Variants in ADI1 observed in about 807,000 individuals in gnomAD.
ADI1 encodes the protein acireductone dioxygenase 1.
In ADI1, 21 loss-of-function variants were observed where a neutral mutation model predicts 18.7. The ratio of observed to expected loss-of-function variants is 1.13; its 90% CI spans 0.80 to 1.62. ADI1 has a LOEUF of 1.62. ADI1 is among the 40% of genes most tolerant of loss of function. The pLI is 0.00. For missense variants in ADI1, 245 were observed against 254.9 expected (o/e 0.96, Z 0.26); for synonymous variants, 90 against 100.1 (o/e 0.90, Z 0.60).
At position 3,503,319 on chromosome 2, in the gene ADI1, TCA is replaced by T. The variant is rs556098174; in HGVS notation, c.241-2328_241-2327del. ...CACACATACACACTGACACGCACAT[TCA>T]CACACATGCACACATACACACGTAC... On this transcript the variant is annotated intron_variant, in intron 2 of 3. Transcript: ENST00000327435. 3.4e-3 allele frequency among the ~76,000 whole-genome samples: 476 copies of T among 140,728 alleles called. 171 individuals carry two copies. The highest frequency in any genetic ancestry group is 0.013 in the African/African-American group (453 of 35,050). 92.3% of individuals were successfully genotyped at this position (140,728 alleles called of 152,430 possible).
chr2:3,518,206 C>T (rs1016068084), intron 1 of ADI1, among the ~76,000 whole-genome samples: 5 of 152,198 alleles, frequency 3.3e-5, no homozygotes, highest in South Asian at 2.1e-4. Flanking sequence ...TGCCCTGTTT[C>T]GCACTGGTAT....
chr2:3,500,934 A>G lies in ADI1; in HGVS notation c.300T>C (p.Asp100=). 1 of 1,614,090 alleles carries G rather than the reference A, an allele frequency of 6.2e-7. No individual in the cohort carries two copies. The highest frequency in any genetic ancestry group is 2.2e-5 in the East Asian group (1 of 44,874). The change falls in exon 3 of 4, where the codon GAT becomes GAC. Residue 100 remains aspartate (D), a synonymous_variant. Transcript: ENST00000327435. ...CCCTCACATCGAAGTACCCACTGCC[A>G]TCCAGGATGTAGCGGATCTCATCGT... The part of the protein sequence containing the change: ...HLDDEIRYIL[D]GSGYFDVRDK...
Position 3,519,454 on chromosome 2 carries a change from C to T in ADI1, c.34G>A (p.Gly12Ser). Residue 12 changes from glycine to serine, a missense_variant, in exon 1 of 4, where the codon GGC becomes AGC. Coordinates refer to ENST00000327435, the MANE Select transcript of ADI1 (RefSeq NM_018269.4). ...GGGCGGTGGGGTTGCCGCGGGTCGCCCGGGGCGTCGTCCATATACCAGGCC... is the reference window on the plus strand; with the variant it reads ...GGGCGGTGGGGTTGCCGCGGGTCGCTCGGGGCGTCGTCCATATACCAGGCC... ...VQAWYMDDAP[G>S]DPRQPHRPDP... 3.0e-6 allele frequency: 4 copies of T among 1,355,408 alleles called. No homozygotes were observed. The highest frequency in any genetic ancestry group is 2.8e-6 in the Non-Finnish European group (3 of 1,058,544). The allele number at this position is 1,355,408 out of a possible 1,614,324, so 84.0% of individuals were successfully genotyped here.
intron 1 of ADI1, chr2:3,515,512 T>C (rs57139325): frequency 0.69 from 104,488 of 151,720 alleles, 39,037 homozygotes; most frequent in Non-Finnish European, 0.84. Context: ...AACATAGATC[T>C]TTATCAGTGG....
rs972874163 is a variant in ADI1 at position 3,503,505 on chromosome 2, G to A, written c.241-2512C>T. On this transcript the variant is annotated intron_variant, in intron 2 of 3. Coordinates refer to ENST00000327435, the MANE Select transcript of ADI1 (RefSeq NM_018269.4). ...CACTCATGCACACGTACACACACACGCCTACATTCACACACTCACATGCAC... is the reference window on the plus strand; with the variant it reads ...CACTCATGCACACGTACACACACACACCTACATTCACACACTCACATGCAC... 1.5e-5 allele frequency among the ~76,000 whole-genome samples: 2 copies of A among 136,172 alleles called. 1 individual carries two copies. Among genetic ancestry groups the A allele is most frequent in the Non-Finnish European group, 3.1e-5 (2 of 64,932 alleles). The allele number at this position is 136,172 out of a possible 152,430, so 89.3% of individuals were successfully genotyped here.
Position 3,498,987 on chromosome 2 carries a change from C to A in ADI1, c.516G>T (p.Val172=). Residue 172 remains valine, a synonymous_variant, in exon 4 of 4, where the codon GTG becomes GTT. Coordinates refer to ENST00000327435, the MANE Select transcript of ADI1 (RefSeq NM_018269.4). ...GCTAGGCGGTCTGTGCCAGAAATTT[C>A]ACGTACTGCCCGCGGGCTTCAAAAT... ...ADHFEARGQY[V]KFLAQTA is the part of the protein sequence containing the mutation. 6.2e-7 allele frequency: 1 copy of A among 1,613,396 alleles called. No homozygotes were observed. The highest frequency in any genetic ancestry group is 8.5e-7 in the Non-Finnish European group (1 of 1,179,354).
rs1667344025 is a variant in ADI1, at chr2:3,513,918, T to TCC, written c.178_179insGG (p.Asn60ArgfsTer9). On this transcript the variant is annotated frameshift_variant, in exon 2 of 4. Transcript: ENST00000327435. LOFTEE classifies it high-confidence loss of function. ...GGTTATGATGTCCATCCAGGAGTAG[T>TCC]TCCTCTCTCTTCGGATCTTTTCTAA... is the stretch of plus-strand genomic sequence containing the variant. 1.2e-6 allele frequency: 2 copies of TCC among 1,612,490 alleles called. No individual in the cohort carries two copies. The highest frequency in any genetic ancestry group is 1.7e-6 in the Non-Finnish European group (2 of 1,179,718).
At chr2:3,503,112 C>A (rs1667063085) in intron 2 of ADI1, among the ~76,000 whole-genome samples, 1 of 152,038 alleles carries the variant, frequency 6.6e-6, no homozygotes, top group Admixed American at 6.6e-5. Flanking sequence ...CACTCCCATG[C>A]TAGCATTCAC....
chr2:3,497,726 G>C lies in ADI1; in HGVS notation c.*1237C>G, dbSNP rs558045974. On this transcript the variant is annotated 3_prime_UTR_variant, in exon 4 of 4. Coordinates refer to ENST00000327435, the MANE Select transcript of ADI1 (RefSeq NM_018269.4). ...AAGAAATCCCAGGCGCCACATCAAG[G>C]AGGCGAAACTAGAGTCCGCAGGAGG... is the stretch of plus-strand genomic sequence containing the variant. 6.6e-6 allele frequency: 1 copy of C among 152,320 alleles called. No individual in the cohort carries two copies. Among genetic ancestry groups the C allele is most frequent in the South Asian group, 2.1e-4 (1 of 4,828 alleles). The allele number at this position is 152,320 out of a possible 1,614,324, so 9.4% of individuals were successfully genotyped here.
At chr2:3,509,827 G>A (rs554335356) in intron 2 of ADI1, among the ~76,000 whole-genome samples, 10 of 146,696 alleles carry the variant, frequency 6.8e-5, no homozygotes, top group Admixed American at 2.1e-4. Flanking sequence ...AGATTCCAAC[G>A]CTACAAAAAA....
chr2:3,497,861 T>TA lies in ADI1; in HGVS notation c.*1101dup, dbSNP rs374640255. The TA allele has an allele frequency of 2.6e-5, 4 of 152,304 alleles. 1 individual carries two copies. Among genetic ancestry groups the TA allele is most frequent in the African/African-American group, 9.6e-5 (4 of 41,566 alleles). 9.4% of individuals were successfully genotyped at this position (152,304 alleles called of 1,614,324 possible). On this transcript the variant is annotated 3_prime_UTR_variant, in exon 4 of 4. Transcript: ENST00000327435. ...GTTTATCATATGAATGTTTCGTTCT[T>TA]AAAAATGAACAAGCTCTATTTATAA...
chr2:3,498,924 G>A lies in ADI1; in HGVS notation c.*39C>T. ...TTTTCTGCTCAGTCATTACATTGGGGACCTTTACGAGGCACGTGTTAGTTC... is the reference window on the plus strand; with the variant it reads ...TTTTCTGCTCAGTCATTACATTGGGAACCTTTACGAGGCACGTGTTAGTTC... On this transcript the variant is annotated 3_prime_UTR_variant, in exon 4 of 4. Transcript: ENST00000327435. 6.3e-7 allele frequency: 1 copy of A among 1,578,668 alleles called. No homozygotes were observed. The highest frequency in any genetic ancestry group is 8.7e-7 in the Non-Finnish European group (1 of 1,154,488).
chr2:3,514,183 G>A (rs931731553), intron 1 of ADI1, among the ~76,000 whole-genome samples: 3 of 152,122 alleles, frequency 2.0e-5, no homozygotes, highest in African/African-American at 7.2e-5. Flanking sequence ...ATGGAGTTCT[G>A]TTTGATTTCT....
At chr2:3,509,363 A>G (rs1340848439) in intron 2 of ADI1, among the ~76,000 whole-genome samples, 1 of 152,216 alleles carries the variant, frequency 6.6e-6, no homozygotes, top group Non-Finnish European at 1.5e-5. Context: ...TTCAACAACA[A>G]TGGAATACCC....
At position 3,498,474 on chromosome 2, in the gene ADI1, A is replaced by C. The variant is rs1247244054; in HGVS notation, c.*489T>G. The stretch of plus-strand genomic sequence containing the variant: ...AGTATAAGATTAAGGCAGTTACTTT[A>C]TTTTGAACAAGGAAGTGGCATAAGC... On this transcript the variant is annotated 3_prime_UTR_variant, in exon 4 of 4. Coordinates refer to ENST00000327435, the MANE Select transcript of ADI1 (RefSeq NM_018269.4). 6.5e-6 allele frequency: 1 copy of C among 152,872 alleles called. No homozygotes were observed. Among genetic ancestry groups the C allele is most frequent in the Non-Finnish European group, 1.5e-5 (1 of 68,526 alleles). The allele number at this position is 152,872 out of a possible 1,614,324, so 9.5% of individuals were successfully genotyped here.
chr2:3,498,784 T>G lies in ADI1; in HGVS notation c.*179A>C. The G allele has an allele frequency of 9.6e-7, 1 of 1,045,164 alleles. No homozygotes were observed. The highest frequency in any genetic ancestry group is 1.6e-5 in the African/African-American group (1 of 61,552). The allele number at this position is 1,045,164 out of a possible 1,614,324, so 64.7% of individuals were successfully genotyped here. On this transcript the variant is annotated 3_prime_UTR_variant, in exon 4 of 4. Coordinates refer to ENST00000327435, the MANE Select transcript of ADI1 (RefSeq NM_018269.4). ...AGAAAATGAAGGTGACTCTTTACAC[T>G]TCCAAGTTGCTTTCTAGATCCTTTC...
chr2:3,505,281 C>T (rs1667151750), intron 2 of ADI1, among the ~76,000 whole-genome samples: 1 of 152,064 alleles, frequency 6.6e-6, no homozygotes, highest in East Asian at 1.9e-4. Flanking sequence ...CAGCCCCTCA[C>T]ACTGGAGAGA....
intron 1 of ADI1, among the ~76,000 whole-genome samples, chr2:3,518,882 A>G (rs1347865239): frequency 6.6e-6 from 1 of 152,164 alleles, no homozygotes; most frequent in Non-Finnish European, 1.5e-5. Context: ...CCAATCCCGG[A>G]GCTGCGCGTG....
chr2:3,500,552 T>G (rs1200236813), intron 3 of ADI1: 1 of 490,656 alleles, frequency 2.0e-6, no homozygotes, highest in East Asian at 3.5e-5. Flanking sequence ...TGCCGCCGCC[T>G]GTACCTGCCC....
Sources: gnomAD v4.1 joint callset for allele counts (sites outside exome capture counted in the v4.1 genomes callset) on GRCh38, gnomAD v4.1.1 for gene constraint, MANE v1.5 for transcripts, NCBI Gene and HGNC (gene_info 2026-07-23, HGNC 2026-07-21) for gene names.